The following PDE1C variants were observed in gnomAD, a reference collection of about 807,000 sequenced individuals.
PDE1C encodes the protein phosphodiesterase 1C.
PDE1C carries 62 observed loss-of-function variants against 93.1 expected under a neutral mutation model. The observed-to-expected ratio is 0.67, with a 90% confidence interval of 0.54 to 0.82. The LOEUF is 0.82. PDE1C is among the 40% of genes least tolerant of loss of function. The probability of loss-of-function intolerance (pLI) is 0.00; values close to 1 mark genes in which losing one functional copy is unlikely to be tolerated. For missense variants in PDE1C, 742 were observed against 884.6 expected (o/e 0.84, Z 2.04); for synonymous variants, 325 against 310.1 (o/e 1.05, Z -0.50).
chr7:32,370,457 A>AAAAAAAGG lies in PDE1C; in HGVS notation c.310+57364_310+57365insCCTTTTTT, dbSNP rs1310666411. 2.9e-3 allele frequency among the ~76,000 whole-genome samples: 435 copies of AAAAAAAGG among 151,898 alleles called. 5 individuals carry two copies. Among genetic ancestry groups the AAAAAAAGG allele is most frequent in the African/African-American group, 9.9e-3 (408 of 41,314 alleles). On this transcript the variant is annotated intron_variant, in intron 1 of 1. Transcript: ENST00000672256. ...GAGTGAGACTCCTCTCAAAAAAAAA[A>AAAAAAAGG]AAAAAAAGGATGAGTTCATGTCCTT...
intron 11 of PDE1C, among the ~76,000 whole-genome samples, chr7:31,832,871 A>T (rs1790587970): frequency 6.6e-6 from 1 of 152,198 alleles, no homozygotes; most frequent in African/African-American, 2.4e-5. Context: ...CTTTCTCATA[A>T]TTAGAAAAAG....
At chr7:32,238,964 A>G (rs1808346301) in intron 1 of PDE1C, among the ~76,000 whole-genome samples, 1 of 152,222 alleles carries the variant, frequency 6.6e-6, no homozygotes, top group Admixed American at 6.5e-5. Context: ...GTTTTAAAAC[A>G]TCTGTTTCAG....
intron 1 of PDE1C, among the ~76,000 whole-genome samples, chr7:32,308,739 A>G (rs1438208744): frequency 6.6e-6 from 1 of 152,254 alleles, no homozygotes; most frequent in Admixed American, 6.5e-5. Context: ...CACATCAAAA[A>G]CCCTTCTGTA....
chr7:32,175,794 T>G (rs1415733115), intron 2 of PDE1C, among the ~76,000 whole-genome samples: 1 of 152,260 alleles, frequency 6.6e-6, no homozygotes, highest in Non-Finnish European at 1.5e-5. Context: ...GTCTTCACTT[T>G]TCACTATCTT....
intron 3 of PDE1C, among the ~76,000 whole-genome samples, chr7:32,106,468 A>G (rs1054862336): frequency 1.8e-4 from 27 of 152,182 alleles, no homozygotes; most frequent in Non-Finnish European, 3.7e-4. Context: ...GAGAAGTGGG[A>G]AAGGGGAGAA....
At chr7:31,713,884 C>A in the PDE1C span, among the ~76,000 whole-genome samples, 1 of 152,128 alleles carries the variant, frequency 6.6e-6, no homozygotes, top group African/African-American at 2.4e-5. Context: ...AGCAGAGGGA[C>A]CCTGGGTCTT....
intron 1 of PDE1C, among the ~76,000 whole-genome samples, chr7:32,353,966 A>G (rs1783981389): frequency 6.6e-6 from 1 of 152,186 alleles, no homozygotes; most frequent in Non-Finnish European, 1.5e-5. Flanking sequence ...AAGGACCAAA[A>G]TCACTGAGAG....
intron 1 of PDE1C, among the ~76,000 whole-genome samples, chr7:32,287,353 G>A (rs1355521303): frequency 6.6e-6 from 1 of 152,160 alleles, no homozygotes; most frequent in Non-Finnish European, 1.5e-5. Context: ...TGCACAGGCT[G>A]CCTGATCCAC....
At chr7:32,263,856 T>A (rs1005973919) in intron 1 of PDE1C, among the ~76,000 whole-genome samples, 2 of 152,250 alleles carry the variant, frequency 1.3e-5, no homozygotes, top group Admixed American at 1.3e-4. Context: ...GAACTCAGCA[T>A]AAACAATGTT....
chr7:32,127,211 T>C (rs1441644499), intron 3 of PDE1C, among the ~76,000 whole-genome samples: 2 of 152,188 alleles, frequency 1.3e-5, no homozygotes, highest in African/African-American at 4.8e-5. Flanking sequence ...CTCTCTCTGG[T>C]CACCAGACTC....
At chr7:31,834,926 C>A (rs1169172018) in intron 11 of PDE1C, among the ~76,000 whole-genome samples, 1 of 152,024 alleles carries the variant, frequency 6.6e-6, no homozygotes, top group African/African-American at 2.4e-5. Flanking sequence ...TCCCATAATT[C>A]CCACATGTTG....
At chr7:31,867,803 T>A (rs1257772452) in intron 6 of PDE1C, among the ~76,000 whole-genome samples, 1 of 152,046 alleles carries the variant, frequency 6.6e-6, no homozygotes, top group Non-Finnish European at 1.5e-5. Flanking sequence ...GGGACAGGCA[T>A]GCTTGGCCCA....
At chr7:32,271,244 G>A (rs1261285955) in intron 1 of PDE1C, among the ~76,000 whole-genome samples, 1 of 152,208 alleles carries the variant, frequency 6.6e-6, no homozygotes, top group Admixed American at 6.5e-5. Flanking sequence ...AAGTCTTCTG[G>A]ACAGTCTAAT....
chr7:31,618,840 A>G, the PDE1C span, among the ~76,000 whole-genome samples: 3 of 152,216 alleles, frequency 2.0e-5, no homozygotes, highest in African/African-American at 7.2e-5. Flanking sequence ...TGCCGCAAAT[A>G]TAAGTTGTGA....
In PDE1C at chr7:32,287,895, C is replaced by T. The variant is rs577839691; in HGVS notation, c.85+10756G>A. Among the ~76,000 whole-genome samples the T allele has an allele frequency of 5.3e-5, 8 of 152,310 alleles. No individual in the cohort carries two copies. The South Asian group carries it at 1.2e-3, about 24-fold the overall frequency. The stretch of plus-strand genomic sequence containing the variant: ...GGTTCCCAGGTTTCTAGTTCAGATG[C>T]CCAAGCTTTCAAAAATGTAGAAACT... On this transcript the variant is annotated intron_variant, in intron 1 of 18. Transcript: ENST00000396193.
intron 5 of PDE1C, 45 bp from the exon 6 acceptor site, chr7:31,873,453 C>T: frequency 1.8e-6 from 2 of 1,136,544 alleles, no homozygotes; most frequent in African/African-American, 1.5e-5. Context: ...CCCACAGACA[C>T]TTACACACCT....
chr7:31,935,466 TGAAAG>T (rs1229132453), intron 2 of PDE1C, among the ~76,000 whole-genome samples: 1 of 152,106 alleles, frequency 6.6e-6, no homozygotes, highest in African/African-American at 2.4e-5. Flanking sequence ...TTCATACACC[TGAAAG>T]GAAAACCTAT....
At chr7:31,845,526 CA>C (rs746314334) in intron 9 of PDE1C, among the ~76,000 whole-genome samples, 24 of 152,066 alleles carry the variant, frequency 1.6e-4, no homozygotes, top group Non-Finnish European at 3.1e-4. Context: ...TGGGGCTTGT[CA>C]GGGGGTCAGG....
rs1026961611 is a variant in PDE1C at position 32,128,656 on chromosome 7, A to G, written c.308+41129T>C. Among the ~76,000 whole-genome samples, 6 of 151,610 alleles carry G rather than the reference A, an allele frequency of 4.0e-5. No homozygotes were observed. The East Asian group carries it at 5.8e-4, about 15-fold the overall frequency. ...GATCTCGGCCTAAATGAGGTGGAAC[A>G]TGGACTATCTCATAAACTACTAGTA... On this transcript the variant is annotated intron_variant, in intron 3 of 18. Transcript: ENST00000396193.
Sources: gnomAD v4.1 joint callset for allele counts (sites outside exome capture counted in the v4.1 genomes callset) on GRCh38, gnomAD v4.1.1 for gene constraint, MANE v1.5 for transcripts, NCBI Gene and HGNC (gene_info 2026-07-23, HGNC 2026-07-21) for gene names.